HEPH: variants seen among roughly 807,000 people sequenced by gnomAD.
The protein encoded by HEPH is hephaestin.
A neutral mutation model predicts 80.8 loss-of-function variants in HEPH; 69 were observed. The observed-to-expected ratio is 0.85, with a 90% CI of 0.70 to 1.04. The LOEUF (loss-of-function observed/expected upper bound fraction) is 1.04, where lower values mean the gene tolerates loss of function less well. Among genes scored for constraint, HEPH ranks in the 50% least tolerant of loss-of-function variants. HEPH has a pLI of 0.00. For missense variants in HEPH, 1,115 were observed against 891.3 expected (o/e 1.25, Z -3.20); for synonymous variants, 431 against 322.8 (o/e 1.34, Z -3.60).
intron 4 of HEPH, among the ~76,000 whole-genome samples, chrX:66,181,044 C>A (rs1278574035): frequency 3.9e-5 from 3 of 77,824 alleles, no homozygotes; most frequent in Admixed American, 3.0e-4. Context: ...TTTTTTATGG[C>A]TGCATAGTAT....
At chrX:66,243,005 T>C (rs113135413) in intron 15 of HEPH, among the ~76,000 whole-genome samples, 1 of 111,914 alleles carries the variant, frequency 8.9e-6, no homozygotes, top group African/African-American at 3.2e-5. Context: ...AGCAGTCTCA[T>C]TAATGGGTAT....
At chrX:66,179,378 G>A (rs146228794) in intron 4 of HEPH, among the ~76,000 whole-genome samples, 7,398 of 111,357 alleles carry the variant, frequency 0.066, 581 homozygotes, top group African/African-American at 0.23. Flanking sequence ...GTCAGGTAGC[G>A]TCATGCCTCC....
chrX:66,243,759 C>A (rs955234409), intron 15 of HEPH, among the ~76,000 whole-genome samples: 1 of 112,428 alleles, frequency 8.9e-6, no homozygotes, highest in Non-Finnish European at 1.9e-5. Context: ...TTTATAGTGT[C>A]AATGGTCTAC....
intron 14 of HEPH, 33 bp downstream of exon 14, chrX:66,207,367 G>A (rs1286751675): frequency 9.0e-7 from 1 of 1,110,323 alleles, no homozygotes; most frequent in East Asian, 3.2e-5. Context: ...CTAGTGTTTA[G>A]CAGCCTGAAC....
rs1253511767 is a variant in HEPH at position 66,198,131 on chromosome X, ATCT to A, written c.1713+245_1713+247del. ...AGATAATTCATGATATCCTTTCATC[ATCT>A]TCTTCTTTCCTCCCTCCTTCCCTCC... On this transcript the variant is annotated intron_variant, in intron 10 of 20. Transcript: ENST00000343002. 3.3e-4 allele frequency among the ~76,000 whole-genome samples: 36 copies of A among 110,002 alleles called. 1 individual carries two copies. Among genetic ancestry groups the A allele is most frequent in the African/African-American group, 7.6e-4 (23 of 30,148 alleles).
intron 12 of HEPH, among the ~76,000 whole-genome samples, chrX:66,202,912 CATATAT>C (rs759619010): frequency 7.3e-5 from 6 of 81,806 alleles, no homozygotes; most frequent in Non-Finnish European, 1.4e-4. Context: ...TTTATGTGTG[CATATAT>C]ATATATATAT....
At position 66,195,183 on chromosome X, in the gene HEPH, T is replaced by A; in HGVS notation, c.1455T>A (p.His485Gln). The A allele has an allele frequency of 8.3e-7, 1 of 1,202,298 alleles. No homozygotes were observed. Among genetic ancestry groups the A allele is most frequent in the Non-Finnish European group, 1.1e-6 (1 of 890,818 alleles). The change falls in exon 9 of 21, where the codon CAT (histidine) becomes CAA (glutamine). Residue 485 changes from histidine to glutamine, a missense_variant. This residue lies in a region of HEPH where 716 missense variants were observed against 523.5 expected (regional missense o/e 1.37). Coordinates refer to ENST00000343002, the MANE Select transcript of HEPH (RefSeq NM_001367233.3). Reference protein sequence around the residue: ...RASQPFSMQPHGVFYEKDYEG... With the variant: ...RASQPFSMQPQGVFYEKDYEG... ...CCCAGCCATTCAGCATGCAGCCCCATGGGGTCTTTTATGAGAAAGACTATG... is the reference window on the plus strand; with the variant it reads ...CCCAGCCATTCAGCATGCAGCCCCAAGGGGTCTTTTATGAGAAAGACTATG...
chrX:66,248,644 A>G (rs2090899610), intron 15 of HEPH, among the ~76,000 whole-genome samples: 1 of 112,287 alleles, frequency 8.9e-6, no homozygotes, highest in Non-Finnish European at 1.9e-5. Context: ...TATCTATGCA[A>G]TTGTGAAGAA....
intron 15 of HEPH, among the ~76,000 whole-genome samples, chrX:66,226,739 A>G (rs954286787): frequency 8.9e-6 from 1 of 111,843 alleles, no homozygotes; most frequent in Non-Finnish European, 1.9e-5. Context: ...AGTTTAAAGC[A>G]GAAAGAAATA....
intron 15 of HEPH, among the ~76,000 whole-genome samples, chrX:66,215,341 T>C (rs1195436043): frequency 9.0e-6 from 1 of 110,856 alleles, no homozygotes; most frequent in Non-Finnish European, 1.9e-5. Flanking sequence ...ATTCCAGAAA[T>C]ATTGAGAGTT....
chrX:66,165,332 G>T (rs1245207617), intron 1 of HEPH, among the ~76,000 whole-genome samples: 3 of 111,591 alleles, frequency 2.7e-5, no homozygotes, highest in African/African-American at 9.8e-5. Flanking sequence ...ACTTCAAATC[G>T]GTATGTTTTC....
chrX:66,253,851 G>C (rs895137891), intron 15 of HEPH, among the ~76,000 whole-genome samples: 28 of 111,537 alleles, frequency 2.5e-4, no homozygotes, highest in Non-Finnish European at 4.3e-4. Context: ...TAAAATGTAT[G>C]ATATAATTCA....
chrX:66,195,951 G>C (rs1243406868), intron 9 of HEPH, among the ~76,000 whole-genome samples: 1 of 111,630 alleles, frequency 9.0e-6, no homozygotes, highest in Non-Finnish European at 1.9e-5. Context: ...AAAGCATAAA[G>C]AGCAAAGTTG....
At chrX:66,189,970 T>C (rs952781048) in intron 6 of HEPH, 32 bp downstream of exon 6, 13 of 1,145,067 alleles carry the variant, frequency 1.1e-5, no homozygotes, top group Non-Finnish European at 1.4e-5. Context: ...CATTGGGTTG[T>C]AAGAGAGAGG....
At chrX:66,257,760 A>C (rs952754070) in intron 17 of HEPH, among the ~76,000 whole-genome samples, 1 of 112,086 alleles carries the variant, frequency 8.9e-6, no homozygotes, top group Non-Finnish European at 1.9e-5. Context: ...TCTGAAATCC[A>C]CAATTTGGTA....
upstream of HEPH, among the ~76,000 whole-genome samples, chrX:66,163,216 C>T (rs2086244913): frequency 9.0e-6 from 1 of 111,148 alleles, no homozygotes; most frequent in African/African-American, 3.3e-5. Flanking sequence ...TAGCTGATTA[C>T]TCCTAGAGCA....
chrX:66,168,730 A>T (rs1295089565), intron 1 of HEPH, among the ~76,000 whole-genome samples: 1 of 111,812 alleles, frequency 8.9e-6, no homozygotes, highest in Non-Finnish European at 1.9e-5. Context: ...TTTATTAACA[A>T]TGCCTATTTC....
At chrX:66,257,524 A>ATT (rs1046633957) in intron 17 of HEPH, among the ~76,000 whole-genome samples, 5 of 112,362 alleles carry the variant, frequency 4.4e-5, no homozygotes, top group Non-Finnish European at 9.4e-5. Context: ...TGAAAAACTG[A>ATT]TTTCAGTTCT....
intron 16 of HEPH, 125 bp from the exon 17 acceptor site, chrX:66,255,980 A>G: frequency 2.2e-6 from 1 of 463,508 alleles, no homozygotes. Flanking sequence ...TTATAAATGT[A>G]AGATATCATG....
Sources: gnomAD v4.1 joint callset for allele counts (sites outside exome capture counted in the v4.1 genomes callset) on GRCh38, gnomAD v4.1.1 for gene constraint, gnomAD v4.1.1 regional missense constraint, MANE v1.5 for transcripts, NCBI Gene and HGNC (gene_info 2026-07-23, HGNC 2026-07-21) for gene names.